Variants in HS6ST2 observed in about 807,000 individuals in gnomAD.
HS6ST2 encodes the protein heparan-sulfate 6-O-sulfotransferase 2.
HS6ST2 carries 17 observed loss-of-function variants against 33.0 expected under a neutral mutation model. The observed-to-expected ratio is 0.52, with a 90% CI of 0.35 to 0.77. The LOEUF is 0.77. Among genes scored for constraint, HS6ST2 ranks in the 30% least tolerant of loss-of-function variants. The pLI, the probability that HS6ST2 is intolerant of heterozygous loss-of-function variation, is 0.01. For missense variants in HS6ST2, 519 were observed against 551.7 expected (o/e 0.94, Z 0.59); for synonymous variants, 248 against 237.1 (o/e 1.05, Z -0.42).
chrX:132,753,213 T>C (rs965005556), intron 2 of HS6ST2, among the ~76,000 whole-genome samples: 2 of 112,395 alleles, frequency 1.8e-5, no homozygotes, highest in Non-Finnish European at 3.8e-5. Flanking sequence ...AAGTGCACAC[T>C]GAGCTTCATC....
chrX:132,956,574 C>A (rs954357593), intron 2 of HS6ST2, among the ~76,000 whole-genome samples: 2 of 112,664 alleles, frequency 1.8e-5, no homozygotes, highest in African/African-American at 6.4e-5. Flanking sequence ...CCAACCATCA[C>A]GCAGGCCACC....
rs760506861 is a variant in HS6ST2 at position 132,689,510 on chromosome X, T to A, written c.980+18952A>T. Among the ~76,000 whole-genome samples, 3 of 111,952 alleles carry A rather than the reference T, an allele frequency of 2.7e-5. No homozygotes were observed. The South Asian group carries it at 1.1e-3, about 42-fold the overall frequency. ...GTTACAAAGAGCAAATGAAAAAAAA[T>A]TCCCCTTAATCTCATTTTGAATTAC... is the stretch of plus-strand genomic sequence containing the variant. On this transcript the variant is annotated intron_variant, in intron 3 of 4. Coordinates refer to ENST00000370833, the MANE Select transcript of HS6ST2 (RefSeq NM_001394073.1).
intron 2 of HS6ST2, among the ~76,000 whole-genome samples, chrX:132,845,110 C>T (rs2065739876): frequency 9.3e-6 from 1 of 107,521 alleles, no homozygotes; most frequent in African/African-American, 3.3e-5. Context: ...TATATATTAA[C>T]AATTAATAAT....
intron 2 of HS6ST2, among the ~76,000 whole-genome samples, chrX:132,856,627 T>C (rs756193472): frequency 4.6e-4 from 51 of 111,628 alleles, no homozygotes; most frequent in African/African-American, 1.6e-3. Flanking sequence ...ATTTAAGAGA[T>C]AATTATTATT....
chrX:132,693,001 G>A (rs1283100295), intron 3 of HS6ST2, among the ~76,000 whole-genome samples: 1 of 111,793 alleles, frequency 8.9e-6, no homozygotes, highest in Non-Finnish European at 1.9e-5. Flanking sequence ...TATAGCAGAG[G>A]GGGTAACAGA....
intron 2 of HS6ST2, among the ~76,000 whole-genome samples, chrX:132,844,856 T>C (rs2065736700): frequency 1.8e-5 from 2 of 110,630 alleles, no homozygotes; most frequent in Non-Finnish European, 3.8e-5. Flanking sequence ...GTCAGTTTAG[T>C]TCCATTCAAT....
intron 4 of HS6ST2, among the ~76,000 whole-genome samples, chrX:132,632,505 C>T (rs1394299901): frequency 2.7e-5 from 3 of 110,032 alleles, no homozygotes; most frequent in Non-Finnish European, 3.8e-5. Flanking sequence ...CAGCTGGGGT[C>T]GGGGGCAAAC....
intron 2 of HS6ST2, among the ~76,000 whole-genome samples, chrX:132,872,497 G>T (rs1055911689): frequency 2.7e-5 from 3 of 111,867 alleles, no homozygotes; most frequent in African/African-American, 9.7e-5. Context: ...ATTACTGGCA[G>T]AGTCACTAGA....
intron 2 of HS6ST2, among the ~76,000 whole-genome samples, chrX:132,713,870 C>T (rs975158433): frequency 9.1e-6 from 1 of 110,435 alleles, no homozygotes; most frequent in East Asian, 2.9e-4. Flanking sequence ...CAACCTGATC[C>T]TTGCTTTTGG....
At chrX:132,749,961 T>C (rs1034909911) in intron 2 of HS6ST2, among the ~76,000 whole-genome samples, 1 of 111,337 alleles carries the variant, frequency 9.0e-6, no homozygotes, top group African/African-American at 3.3e-5. Flanking sequence ...AAAGAGCTAA[T>C]GAAGTTTCAG....
intron 2 of HS6ST2, among the ~76,000 whole-genome samples, chrX:132,775,312 T>C (rs2064946085): frequency 1.8e-5 from 2 of 111,221 alleles, no homozygotes; most frequent in Admixed American, 1.9e-4. Context: ...CTCCAGACCA[T>C]AGTGACCTTA....
intron 2 of HS6ST2, among the ~76,000 whole-genome samples, chrX:132,744,458 T>G (rs1453934328): frequency 3.6e-5 from 4 of 111,999 alleles, no homozygotes; most frequent in Non-Finnish European, 7.5e-5. Flanking sequence ...CTTTATATCT[T>G]TTTTACTCAA....
chrX:132,842,335 C>G (rs1273808995), intron 2 of HS6ST2, among the ~76,000 whole-genome samples: 2 of 111,976 alleles, frequency 1.8e-5, no homozygotes, highest in African/African-American at 6.5e-5. Flanking sequence ...TTTCACACAG[C>G]AGTTTCATTT....
chrX:132,875,351 T>A (rs1477027669), intron 2 of HS6ST2, among the ~76,000 whole-genome samples: 1 of 111,738 alleles, frequency 8.9e-6, no homozygotes, highest in African/African-American at 3.3e-5. Context: ...TTTAAGTGGT[T>A]TGAGGATCCT....
intron 2 of HS6ST2, among the ~76,000 whole-genome samples, chrX:132,924,300 T>C (rs1490666048): frequency 1.8e-5 from 2 of 111,750 alleles, no homozygotes; most frequent in African/African-American, 3.3e-5. Context: ...AGAGCAACAA[T>C]AGTTGCAAAG....
chrX:132,719,012 G>A (rs963122215), intron 2 of HS6ST2, among the ~76,000 whole-genome samples: 4 of 111,719 alleles, frequency 3.6e-5, no homozygotes, highest in African/African-American at 1.3e-4. Flanking sequence ...CCAAGGGGGG[G>A]AAGAAACTGG....
chrX:132,741,162 G>A (rs775080738), intron 2 of HS6ST2, among the ~76,000 whole-genome samples: 27 of 111,938 alleles, frequency 2.4e-4, no homozygotes, highest in South Asian at 7.5e-4. Flanking sequence ...CAGCTGCGCC[G>A]GCAAAGCCAT....
At chrX:132,629,166 T>C (rs1283432758) in intron 4 of HS6ST2, 73 bp from the exon 5 acceptor site, 1 of 1,065,009 alleles carries the variant, frequency 9.4e-7, no homozygotes, top group African/African-American at 1.9e-5. Flanking sequence ...GTACATGGCA[T>C]ATGTGGTGTT....
chrX:132,799,960 C>G (rs1175862332), intron 2 of HS6ST2, among the ~76,000 whole-genome samples: 1 of 111,769 alleles, frequency 8.9e-6, no homozygotes, highest in African/African-American at 3.2e-5. Flanking sequence ...TACCTGCTGG[C>G]AAAGGTTGAA....
Sources: allele counts gnomAD v4.1 joint callset (sites outside exome capture counted in the v4.1 genomes callset), GRCh38; gene constraint gnomAD v4.1.1; transcripts MANE v1.5; gene names NCBI Gene and HGNC (gene_info 2026-07-23, HGNC 2026-07-21).